NCKAP5: variants seen among roughly 807,000 people sequenced by gnomAD.
The protein encoded by NCKAP5 is nck-associated protein 5.
Under a neutral mutation model 167.0 loss-of-function variants are expected in NCKAP5, and 92 were observed. The ratio of observed to expected loss-of-function variants is 0.55; its 90% CI spans 0.47 to 0.66. NCKAP5 has a LOEUF of 0.66. NCKAP5 is among the 30% of genes least tolerant of loss of function. The probability of loss-of-function intolerance (pLI) is 0.00; values close to 1 mark genes in which losing one functional copy is unlikely to be tolerated. For missense variants in NCKAP5, 2,378 were observed against 2,315.0 expected (o/e 1.03, Z -0.56); for synonymous variants, 891 against 877.4 (o/e 1.02, Z -0.27).
At chr2:132,849,012 G>A (rs753286416) in intron 11 of NCKAP5, among the ~76,000 whole-genome samples, 21 of 152,192 alleles carry the variant, frequency 1.4e-4, no homozygotes, top group Non-Finnish European at 2.9e-4. Flanking sequence ...AGTGTCCGAT[G>A]CAATGTGAAT....
At chr2:132,836,190 A>G (rs922158663) in intron 11 of NCKAP5, among the ~76,000 whole-genome samples, 9 of 152,190 alleles carry the variant, frequency 5.9e-5, no homozygotes, top group Non-Finnish European at 7.3e-5. Flanking sequence ...AATTGCAGAC[A>G]TCTTCCACTG....
At chr2:132,994,260 G>C (rs764971940) in intron 6 of NCKAP5, 21 bp from the exon 7 acceptor site, 21 of 1,524,808 alleles carry the variant, frequency 1.4e-5, no homozygotes, top group Admixed American at 1.0e-4. Flanking sequence ...AAAATATTAA[G>C]AATTTCTTAA....
intron 6 of NCKAP5, among the ~76,000 whole-genome samples, chr2:133,001,659 T>C (rs1166784110): frequency 6.6e-6 from 1 of 152,186 alleles, no homozygotes; most frequent in Non-Finnish European, 1.5e-5. Flanking sequence ...CTGTGCCACA[T>C]CAGCATTCAC....
chr2:133,063,346 G>A (rs528023472), intron 6 of NCKAP5, among the ~76,000 whole-genome samples: 13 of 152,130 alleles, frequency 8.5e-5, no homozygotes, highest in Non-Finnish European at 1.5e-4. Context: ...CATTGACAGG[G>A]CACTCAATTT....
At chr2:133,514,185 G>A (rs1252315452) in intron 3 of NCKAP5, among the ~76,000 whole-genome samples, 1 of 152,152 alleles carries the variant, frequency 6.6e-6, no homozygotes, top group Non-Finnish European at 1.5e-5. Flanking sequence ...GTAGTCACTT[G>A]TCTTTCTCTC....
At chr2:133,407,134 C>T (rs190030894) in intron 3 of NCKAP5, among the ~76,000 whole-genome samples, 4 of 152,288 alleles carry the variant, frequency 2.6e-5, no homozygotes, top group South Asian at 2.1e-4. Flanking sequence ...GAATGTTTAT[C>T]CGCCAGGTAT....
chr2:133,581,490 G>C, the NCKAP5 span, among the ~76,000 whole-genome samples: 1 of 152,292 alleles, frequency 6.6e-6, no homozygotes, highest in Non-Finnish European at 1.5e-5. Flanking sequence ...CTGAGTCCTT[G>C]GCAAACCAAC....
At chr2:133,402,179 T>A (rs1337622037) in intron 3 of NCKAP5, among the ~76,000 whole-genome samples, 1 of 152,166 alleles carries the variant, frequency 6.6e-6, no homozygotes, top group Non-Finnish European at 1.5e-5. Context: ...GCCTCAGTGC[T>A]AAAGAAGAAG....
chr2:133,115,804 T>C lies in NCKAP5; in HGVS notation c.341+14174A>G, dbSNP rs867712156. On this transcript the variant is annotated intron_variant, in intron 6 of 19. Coordinates refer to ENST00000409261, the MANE Select transcript of NCKAP5 (RefSeq NM_207363.3). ...ATATATATATATATATATATATATA[T>C]ATATATATATATAGTGTTCACACAC... Among the ~76,000 whole-genome samples the C allele has an allele frequency of 8.6e-4, 94 of 109,710 alleles. 2 individuals carry two copies. The highest frequency in any genetic ancestry group is 4.0e-3 in the African/African-American group (87 of 21,722). The allele number at this position is 109,710 out of a possible 152,430, so 72.0% of individuals were successfully genotyped here. A position where few individuals can be genotyped will look rare whatever the true frequency, so the allele number is the denominator to read the frequency against.
intron 4 of NCKAP5, among the ~76,000 whole-genome samples, chr2:133,299,750 T>A (rs1680238371): frequency 6.6e-6 from 1 of 152,170 alleles, no homozygotes; most frequent in Non-Finnish European, 1.5e-5. Flanking sequence ...AATCTCTGTC[T>A]CAGTCAATCA....
At chr2:133,588,484 T>A in the NCKAP5 span, among the ~76,000 whole-genome samples, 2 of 135,300 alleles carry the variant, frequency 1.5e-5, no homozygotes, top group Admixed American at 1.7e-4. Context: ...CCTCCTTCCC[T>A]CCCTCCCTCT....
At chr2:133,269,640 G>A (rs1235183079) in intron 4 of NCKAP5, among the ~76,000 whole-genome samples, 1 of 152,184 alleles carries the variant, frequency 6.6e-6, no homozygotes, top group Admixed American at 6.5e-5. Context: ...ACTGGGTGGG[G>A]CCAATTAAAG....
chr2:133,080,575 C>T (rs896666876), intron 6 of NCKAP5, among the ~76,000 whole-genome samples: 2 of 152,142 alleles, frequency 1.3e-5, no homozygotes, highest in Non-Finnish European at 2.9e-5. Context: ...GTCTGGCTGA[C>T]AAAGCCTAAA....
intron 6 of NCKAP5, among the ~76,000 whole-genome samples, chr2:133,072,587 GT>G (rs1439231669): frequency 5.3e-5 from 8 of 152,084 alleles, no homozygotes; most frequent in African/African-American, 1.9e-4. Context: ...AGTCCCAACT[GT>G]TATTTTCTTA....
chr2:133,662,493 C>T, the NCKAP5 span, among the ~76,000 whole-genome samples: 2 of 151,236 alleles, frequency 1.3e-5, no homozygotes, highest in Middle Eastern at 3.4e-3. Context: ...CTGGTTTGTA[C>T]TGTAAATACA....
chr2:132,724,917 G>T (rs1461345165), intron 19 of NCKAP5, among the ~76,000 whole-genome samples: 1 of 151,532 alleles, frequency 6.6e-6, no homozygotes, highest in African/African-American at 2.4e-5. Context: ...ATAAAATTAT[G>T]GTTTCATTAC....
chr2:132,820,541 T>C lies in NCKAP5; in HGVS notation c.808-23812A>G, dbSNP rs898033249. 2.0e-5 allele frequency among the ~76,000 whole-genome samples: 3 copies of C among 152,024 alleles called. No homozygotes were observed. The East Asian group carries it at 5.8e-4, about 30-fold the overall frequency. ...CCGAGCCCAGCCAGTGTTTTTTTTGTTTTTTGTTTTTTGTTTTTTTTAAAT... is the reference window on the plus strand; with the variant it reads ...CCGAGCCCAGCCAGTGTTTTTTTTGCTTTTTGTTTTTTGTTTTTTTTAAAT... On this transcript the variant is annotated intron_variant, in intron 11 of 19. Transcript: ENST00000409261.
intron 4 of NCKAP5, among the ~76,000 whole-genome samples, chr2:133,282,763 G>A (rs1198027540): frequency 1.3e-5 from 2 of 152,146 alleles, no homozygotes; most frequent in Non-Finnish European, 2.9e-5. Context: ...AAGAGCTACG[G>A]CTACAAAGAA....
chr2:133,538,931 GTTTTTTTTTTTTT>G (rs71412735), intron 2 of NCKAP5, among the ~76,000 whole-genome samples: 2 of 108,588 alleles, frequency 1.8e-5, no homozygotes, highest in Non-Finnish European at 3.5e-5. Flanking sequence ...GTTTTTTTGG[GTTTTTTTTTTTTT>G]TTTTTTTTTT....
Sources: allele counts gnomAD v4.1 joint callset (sites outside exome capture counted in the v4.1 genomes callset), GRCh38; gene constraint gnomAD v4.1.1; transcripts MANE v1.5; gene names NCBI Gene and HGNC (gene_info 2026-07-23, HGNC 2026-07-21).